The following POU2F2 variants were observed in gnomAD, a reference collection of about 807,000 sequenced individuals.
The protein encoded by POU2F2 is POU domain, class 2, transcription factor 2.
A neutral mutation model predicts 63.5 loss-of-function variants in POU2F2; 14 were observed. The ratio of observed to expected loss-of-function variants is 0.22; its 90% CI spans 0.15 to 0.34. POU2F2 has a LOEUF of 0.34. Among genes scored for constraint, POU2F2 ranks in the 10% least tolerant of loss-of-function variants. The pLI is 1.00. For synonymous variants in POU2F2, 306 were observed against 348.6 expected, an observed-to-expected ratio of 0.88 and a Z score of 1.36; for missense variants, 607 against 815.2, an observed-to-expected ratio of 0.74 and a Z score of 3.11.
intron 2 of POU2F2, among the ~76,000 whole-genome samples, chr19:42,149,028 GA>G (rs2034288290): frequency 6.6e-6 from 1 of 152,014 alleles, no homozygotes; most frequent in Non-Finnish European, 1.5e-5. Flanking sequence ...ATGAGAAGGA[GA>G]GAGGAGGGGC....
intron 5 of POU2F2, among the ~76,000 whole-genome samples, chr19:42,111,824 A>G (rs1054281903): frequency 1.6e-4 from 25 of 152,074 alleles, no homozygotes; most frequent in African/African-American, 5.3e-4. Flanking sequence ...CCATTCTCCT[A>G]TCCCCTGCAG....
chr19:42,108,612 A>AAGAC (rs1344438533), intron 5 of POU2F2, among the ~76,000 whole-genome samples: 2 of 152,140 alleles, frequency 1.3e-5, no homozygotes, highest in Admixed American at 1.3e-4. Context: ...GAAAGGAGAG[A>AAGAC]AGACAAGATT....
intron 11 of POU2F2, among the ~76,000 whole-genome samples, chr19:42,094,399 A>G (rs1451868197): frequency 6.6e-6 from 1 of 151,918 alleles, no homozygotes; most frequent in East Asian, 1.9e-4. Context: ...ATATTACTTG[A>G]TTTTCTGGGA....
intron 2 of POU2F2, among the ~76,000 whole-genome samples, chr19:42,143,245 T>A (rs569650226): frequency 6.6e-6 from 1 of 152,158 alleles, no homozygotes; most frequent in East Asian, 1.9e-4. Flanking sequence ...ATGCTTGTAA[T>A]CCCAGCTACT....
intron 2 of POU2F2, among the ~76,000 whole-genome samples, chr19:42,141,345 G>A (rs1410073073): frequency 6.6e-6 from 1 of 152,196 alleles, no homozygotes; most frequent in Non-Finnish European, 1.5e-5. Flanking sequence ...AATCAGATGA[G>A]GGTTTGGAAT....
chr19:42,135,536 G>T (rs2033989076), upstream of POU2F2, among the ~76,000 whole-genome samples: 1 of 151,970 alleles, frequency 6.6e-6, no homozygotes, highest in South Asian at 2.1e-4. Context: ...GGGCCATGTG[G>T]TCCCCCAGTG....
At chr19:42,139,485 CTTTTA>C (rs1568410480) in intron 2 of POU2F2, among the ~76,000 whole-genome samples, 2 of 151,880 alleles carry the variant, frequency 1.3e-5, no homozygotes, top group Non-Finnish European at 2.9e-5. Context: ...CTTGAACATT[CTTTTA>C]TTTTATTTTA....
chr19:42,095,641 G>A lies in POU2F2; in HGVS notation c.924C>T (p.Pro308=), dbSNP rs1474080433. 1 of 1,613,188 alleles carries A rather than the reference G, an allele frequency of 6.2e-7. No homozygotes were observed. The highest frequency in any genetic ancestry group is 8.5e-7 in the Non-Finnish European group (1 of 1,179,858). Residue 308 remains proline, a synonymous_variant, in exon 10 of 15, where the codon CCC becomes CCT. Coordinates refer to ENST00000692977, the MANE Select transcript of POU2F2 (RefSeq NM_001394376.1). The surrounding 1 kb of genome is among the most constrained non-coding windows in gnomAD (Gnocchi z 7.1). ...CGGGCAGGCCGTCGAAACCCAGGCT[G>A]GGGCTGCTCAGCTGGTTGGGGCTGG... ...SLPSPNQLSS[P]SLGFDGLPGR...
At chr19:42,103,354 C>CA (rs2077213118) in intron 5 of POU2F2, among the ~76,000 whole-genome samples, 1 of 152,200 alleles carries the variant, frequency 6.6e-6, no homozygotes, top group Non-Finnish European at 1.5e-5. Flanking sequence ...GCTGTATCCT[C>CA]AGTGCCTAGA....
chr19:42,095,987 C>T lies in POU2F2; in HGVS notation c.730-58G>A. 3 of 1,598,240 alleles carry T rather than the reference C, an allele frequency of 1.9e-6. No homozygotes were observed. The highest frequency in any genetic ancestry group is 2.6e-6 in the Non-Finnish European group (3 of 1,173,222). On this transcript the variant is annotated intron_variant, in intron 8 of 14. Transcript: ENST00000692977. The surrounding 1 kb of genome is among the most constrained non-coding windows in gnomAD (Gnocchi z 7.1). Reference sequence around the variant, plus strand: ...CAGGGTGGGGCCTTCCGGCACTGGGCCCGCTCCGCCCGCCCACTGGCCACG... The same window carrying T: ...CAGGGTGGGGCCTTCCGGCACTGGGTCCGCTCCGCCCGCCCACTGGCCACG...
rs1293212936 is a variant in POU2F2, at chr19:42,169,005, C to T, written c.-70+6958G>A. Among the ~76,000 whole-genome samples the T allele has an allele frequency of 6.6e-6, 1 of 152,202 alleles. No homozygotes were observed. Among genetic ancestry groups the T allele is most frequent in the Non-Finnish European group, 1.5e-5 (1 of 68,046 alleles). On this transcript the variant is annotated intron_variant, in intron 1 of 6. Coordinates refer to the POU2F2 transcript ENST00000524801. This position sits in a 1 kb window ranked among gnomAD's most constrained non-coding sequence, Gnocchi z 4.3. ...CTTGGAGCTCTTAGAGAGCAAGGCC[C>T]AGGTCTGTCTCGTAAACCACTGTTT...
chr19:42,092,124 T>A lies in POU2F2; in HGVS notation c.1411A>T (p.Ser471Cys). 1 of 1,506,908 alleles carries A rather than the reference T, an allele frequency of 6.6e-7. No homozygotes were observed. Among genetic ancestry groups the A allele is most frequent in the Non-Finnish European group, 8.9e-7 (1 of 1,123,288 alleles). 93.3% of individuals were successfully genotyped at this position (1,506,908 alleles called of 1,614,324 possible). A position where few individuals can be genotyped will look rare whatever the true frequency, so the allele number is the denominator to read the frequency against. Reference sequence around the variant, plus strand: ...ATAGCCGAGTGGCTGCCTTGAGGGCTGGGGTTTGTGCTGTTGGTGGTGGCC... The same window carrying A: ...ATAGCCGAGTGGCTGCCTTGAGGGCAGGGGTTTGTGCTGTTGGTGGTGGCC... ...PPATTNSTNPSPQGSHSAIGL... is the reference protein window; with the variant it reads ...PPATTNSTNPCPQGSHSAIGL... The change falls in exon 13 of 15, where the codon AGC becomes TGC. Residue 471 changes from serine to cysteine, a missense_variant. Around this residue, in one of 7 missense-constraint regions of POU2F2, gnomAD observed 270 missense variants for 307.5 expected, o/e 0.88. Transcript: ENST00000692977. This position sits in a 1 kb window ranked among gnomAD's most constrained non-coding sequence, Gnocchi z 5.0.
At chr19:42,173,961 G>A (rs2034821085) in intron 1 of POU2F2, among the ~76,000 whole-genome samples, 2 of 152,294 alleles carry the variant, frequency 1.3e-5, no homozygotes, top group Non-Finnish European at 2.9e-5. Flanking sequence ...TGGCCTGCCT[G>A]TCACCCCCTG....
intron 1 of POU2F2, among the ~76,000 whole-genome samples, chr19:42,126,034 G>T (rs1042613427): frequency 6.6e-6 from 1 of 152,206 alleles, no homozygotes; most frequent in African/African-American, 2.4e-5. Context: ...ATACACGGAA[G>T]TCCTAATTCC....
chr19:42,182,095 G>A (rs1188453581), intron 1 of POU2F2, among the ~76,000 whole-genome samples: 2 of 151,998 alleles, frequency 1.3e-5, no homozygotes. Flanking sequence ...GGAAAAAAGT[G>A]GTGCAAGGAC....
chr19:42,125,333 G>A (rs1055809988), intron 1 of POU2F2, among the ~76,000 whole-genome samples: 5 of 134,858 alleles, frequency 3.7e-5, no homozygotes, highest in African/African-American at 1.1e-4. Context: ...CTGCACTCCA[G>A]CTTGGATAAT....
intron 1 of POU2F2, among the ~76,000 whole-genome samples, chr19:42,188,670 A>C (rs1288633409): frequency 7.8e-6 from 1 of 127,684 alleles, no homozygotes; most frequent in Non-Finnish European, 1.6e-5. Flanking sequence ...AGTTCATCTC[A>C]AAAAAAAAAA....
chr19:42,180,591 C>G (rs150596534), upstream of POU2F2, among the ~76,000 whole-genome samples: 1 of 152,086 alleles, frequency 6.6e-6, no homozygotes, highest in East Asian at 1.9e-4. Context: ...TGTTCCCTGC[C>G]TTGGCCCTGG....
At chr19:42,195,216 T>C (rs1358378824) in intron 1 of POU2F2, among the ~76,000 whole-genome samples, 2 of 151,396 alleles carry the variant, frequency 1.3e-5, no homozygotes, top group Non-Finnish European at 2.9e-5. Context: ...GGCAGGTGGC[T>C]CCCTGATATC....
Sources: gnomAD v4.1 joint callset for allele counts (sites outside exome capture counted in the v4.1 genomes callset) on GRCh38, gnomAD v4.1.1 for gene constraint, gnomAD v4.1.1 regional missense constraint, Gnocchi (gnomAD v3.1) non-coding constraint, MANE v1.5 for transcripts, NCBI Gene and HGNC (gene_info 2026-07-23, HGNC 2026-07-21) for gene names.